Variants in FRMD4A observed in about 807,000 individuals in gnomAD.
FRMD4A encodes the protein FERM domain-containing protein 4A.
In FRMD4A, 29 loss-of-function variants were observed where a neutral mutation model predicts 129.1. The ratio of observed to expected loss-of-function variants is 0.22; its 90% CI spans 0.17 to 0.31. The LOEUF (loss-of-function observed/expected upper bound fraction) is 0.31. FRMD4A is among the 10% of genes least tolerant of loss of function. The pLI is 1.00. For missense variants in FRMD4A, 1,272 were observed against 1,375.8 expected, an observed-to-expected ratio of 0.92 and a Z score of 1.19; for synonymous variants, 634 against 571.6, an observed-to-expected ratio of 1.11 and a Z score of -1.56.
At chr10:14,170,058 G>T (rs1234539879) in intron 2 of FRMD4A, among the ~76,000 whole-genome samples, 1 of 152,094 alleles carries the variant, frequency 6.6e-6, no homozygotes, top group Admixed American at 6.5e-5. Flanking sequence ...TCAAGCAGAT[G>T]TCGAATAATT....
At chr10:14,005,753 G>A (rs2095659937) in intron 2 of FRMD4A, among the ~76,000 whole-genome samples, 1 of 152,168 alleles carries the variant, frequency 6.6e-6, no homozygotes, top group South Asian at 2.1e-4. Flanking sequence ...TTTAGGTCCT[G>A]CTCTGTCATT....
Position 14,222,259 on chromosome 10 carries a change from C to T in FRMD4A, c.45+107799G>A, listed in dbSNP as rs140688036. Among the ~76,000 whole-genome samples the T allele has an allele frequency of 3.3e-3, 498 of 152,236 alleles. 2 individuals are homozygous for T. The highest frequency in any genetic ancestry group is 0.011 in the African/African-American group (473 of 41,540). On this transcript the variant is annotated intron_variant, in intron 2 of 24. Coordinates refer to ENST00000357447, the MANE Select transcript of FRMD4A (RefSeq NM_018027.5). ...TGTTTGGGTTCTTTGTCGACAGGGC[C>T]GAATAATTATCAACAAACCTCAGTG...
At chr10:13,993,858 A>T (rs897695347) in intron 2 of FRMD4A, among the ~76,000 whole-genome samples, 3 of 151,418 alleles carry the variant, frequency 2.0e-5, no homozygotes, top group Admixed American at 6.6e-5. Flanking sequence ...TTTTTAAAAA[A>T]ATATATATTC....
chr10:13,908,989 G>A (rs765528361), intron 2 of FRMD4A, among the ~76,000 whole-genome samples: 1 of 152,184 alleles, frequency 6.6e-6, no homozygotes, highest in Non-Finnish European at 1.5e-5. Context: ...GGCCATCGCT[G>A]TACAGCCTAG....
intron 12 of FRMD4A, among the ~76,000 whole-genome samples, chr10:13,726,639 T>C (rs1326472975): frequency 1.3e-5 from 2 of 152,212 alleles, no homozygotes; most frequent in Non-Finnish European, 2.9e-5. Context: ...AGTTTGCATT[T>C]CTTTCTTTCT....
At chr10:14,055,260 T>C (rs1359360173) in intron 2 of FRMD4A, among the ~76,000 whole-genome samples, 1 of 152,084 alleles carries the variant, frequency 6.6e-6, no homozygotes, top group East Asian at 1.9e-4. Flanking sequence ...GGAACTGAGG[T>C]TTTCAGGTTA....
intron 2 of FRMD4A, among the ~76,000 whole-genome samples, chr10:13,984,019 G>C (rs1346467352): frequency 2.0e-5 from 3 of 151,524 alleles, no homozygotes; most frequent in African/African-American, 4.9e-5. Flanking sequence ...AAAACAACTG[G>C]GAACCACGGC....
chr10:14,098,764 C>A (rs915434641), intron 2 of FRMD4A, among the ~76,000 whole-genome samples: 41 of 152,308 alleles, frequency 2.7e-4, no homozygotes, highest in African/African-American at 9.4e-4. Flanking sequence ...GCCTCCCTAG[C>A]ACCCATGTGG....
intron 2 of FRMD4A, among the ~76,000 whole-genome samples, chr10:14,127,951 TTTCTTTCTTTCTTTCTTTCTTTCTTTCC>T (rs1159011733): frequency 2.3e-3 from 50 of 21,904 alleles, no homozygotes; most frequent in South Asian, 0.012. Flanking sequence ...TCTTTCTTTC[TTTCTTTCTTTCTTTCTTTCTTTCTTTCC>T]TTCTCTCTCT....
At chr10:13,787,550 T>G (rs528842080) in intron 5 of FRMD4A, among the ~76,000 whole-genome samples, 1 of 152,140 alleles carries the variant, frequency 6.6e-6, no homozygotes, top group African/African-American at 2.4e-5. Flanking sequence ...AGCCTCGACC[T>G]CCTGGGATCA....
intron 2 of FRMD4A, among the ~76,000 whole-genome samples, chr10:14,251,114 C>G (rs1297920044): frequency 6.6e-6 from 1 of 152,152 alleles, no homozygotes; most frequent in Non-Finnish European, 1.5e-5. Flanking sequence ...ATGACCCCAC[C>G]TCTTGGTAGT....
intron 8 of FRMD4A, among the ~76,000 whole-genome samples, chr10:13,748,549 G>C (rs1482305944): frequency 2.6e-5 from 4 of 152,078 alleles, no homozygotes; most frequent in Non-Finnish European, 4.4e-5. Context: ...TCTGAGTTTG[G>C]AGCATGTTGG....
At chr10:14,109,351 G>C (rs568191725) in intron 2 of FRMD4A, among the ~76,000 whole-genome samples, 4 of 152,204 alleles carry the variant, frequency 2.6e-5, no homozygotes, top group African/African-American at 9.6e-5. Flanking sequence ...TTTCCAGTTT[G>C]TTTCACTGTT....
At chr10:14,326,627 T>C (rs1278176991) in intron 2 of FRMD4A, 1 of 391,776 alleles carries the variant, frequency 2.6e-6, no homozygotes, top group East Asian at 3.6e-5. Context: ...GCCTTTATAA[T>C]CTAAGAACCG....
intron 2 of FRMD4A, among the ~76,000 whole-genome samples, chr10:14,073,372 A>C (rs575447703): frequency 3.9e-5 from 6 of 152,278 alleles, no homozygotes; most frequent in Non-Finnish European, 5.9e-5. Context: ...CTAGGTCATG[A>C]AGAATTAGAT....
chr10:13,698,994 TG>T (rs5783343), intron 14 of FRMD4A, among the ~76,000 whole-genome samples: 57,507 of 151,300 alleles, frequency 0.38, 11,357 homozygotes, highest in African/African-American at 0.49. Context: ...CCTAATGCTA[TG>T]GGGCATTTGG....
At chr10:13,665,378 G>A (rs1200572191) in intron 18 of FRMD4A, among the ~76,000 whole-genome samples, 2 of 152,044 alleles carry the variant, frequency 1.3e-5, no homozygotes. Context: ...TCTTTCTAGA[G>A]CAAAGGTATT....
chr10:14,288,003 T>G (rs2132070792), intron 2 of FRMD4A, among the ~76,000 whole-genome samples: 1 of 152,136 alleles, frequency 6.6e-6, no homozygotes, highest in South Asian at 2.1e-4. Flanking sequence ...TATCCTTCAT[T>G]TACAGAGGAA....
chr10:13,983,401 A>C (rs2095569178), intron 2 of FRMD4A, among the ~76,000 whole-genome samples: 1 of 152,120 alleles, frequency 6.6e-6, no homozygotes, highest in African/African-American at 2.4e-5. Flanking sequence ...TAGAAAAAAA[A>C]CGTAATTACA....
Sources: gnomAD v4.1 joint callset for allele counts (sites outside exome capture counted in the v4.1 genomes callset) on GRCh38, gnomAD v4.1.1 for gene constraint, MANE v1.5 for transcripts, NCBI Gene and HGNC (gene_info 2026-07-23, HGNC 2026-07-21) for gene names.